Variants in GNAQ observed in about 807,000 individuals in gnomAD.
GNAQ encodes the protein G protein subunit alpha q.
A neutral mutation model predicts 43.9 loss-of-function variants in GNAQ; 8 were observed. That is an observed-to-expected ratio of 0.18 (90% CI 0.11 to 0.33). The LOEUF is 0.33. GNAQ is among the 10% of genes least tolerant of loss of function. The probability of loss-of-function intolerance (pLI) is 1.00; values close to 1 mark genes in which losing one functional copy is unlikely to be tolerated. For synonymous variants in GNAQ, 155 were observed against 170.7 expected (o/e 0.91, Z 0.71); for missense variants, 158 against 450.8 (o/e 0.35, Z 5.88).
At chr9:77,738,073 T>C (rs1195046214) in intron 5 of GNAQ, among the ~76,000 whole-genome samples, 3 of 152,222 alleles carry the variant, frequency 2.0e-5, no homozygotes, top group Non-Finnish European at 4.4e-5. Flanking sequence ...ATTTGTAACC[T>C]ATCTGTTTGG....
intron 3 of GNAQ, among the ~76,000 whole-genome samples, chr9:77,800,467 G>A (rs571417774): frequency 5.9e-5 from 9 of 151,868 alleles, no homozygotes; most frequent in East Asian, 3.9e-4. Context: ...GTAAACTATC[G>A]CAAGAACAAA....
chr9:77,859,120 G>A (rs905613479), intron 2 of GNAQ, among the ~76,000 whole-genome samples: 2 of 152,086 alleles, frequency 1.3e-5, no homozygotes, highest in Non-Finnish European at 2.9e-5. Flanking sequence ...CATCGCCTGT[G>A]GGAGTACCAA....
At chr9:77,823,098 C>T (rs1424800694) in intron 2 of GNAQ, among the ~76,000 whole-genome samples, 1 of 152,020 alleles carries the variant, frequency 6.6e-6, no homozygotes, top group Non-Finnish European at 1.5e-5. Context: ...TGCCACAACG[C>T]CCGGCTAATT....
chr9:77,895,428 G>GACTGC (rs1828483612), intron 2 of GNAQ, among the ~76,000 whole-genome samples: 1 of 152,134 alleles, frequency 6.6e-6, no homozygotes, highest in Non-Finnish European at 1.5e-5. Flanking sequence ...AGGGGAATCT[G>GACTGC]ACTGCAGTGT....
chr9:77,878,806 G>C (rs1347010753), intron 2 of GNAQ, among the ~76,000 whole-genome samples: 1 of 152,232 alleles, frequency 6.6e-6, no homozygotes, highest in East Asian at 1.9e-4. Flanking sequence ...AGCACTTTGG[G>C]AGGCCAAGGT....
At chr9:78,030,543 G>A in intron 1 of GNAQ, 1 of 471,024 alleles carries the variant, frequency 2.1e-6, no homozygotes, top group Non-Finnish European at 4.4e-6. Flanking sequence ...CCAGCTGCGA[G>A]TCTGCCCACC....
intron 2 of GNAQ, among the ~76,000 whole-genome samples, chr9:77,832,654 T>C (rs1454889213): frequency 6.6e-6 from 1 of 152,236 alleles, no homozygotes; most frequent in African/African-American, 2.4e-5. Context: ...ACTGAATGCA[T>C]ATTTCCCAGT....
intron 1 of GNAQ, among the ~76,000 whole-genome samples, chr9:78,023,940 G>GTGTGTATATACACACACACATATTGTA (rs1823944024): frequency 6.6e-6 from 1 of 151,978 alleles, no homozygotes; most frequent in South Asian, 2.1e-4. Context: ...TATTGTATAT[G>GTGTGTATATACACACACACATATTGTA]TGTGTATATA....
At chr9:77,904,224 A>G (rs1177650008) in intron 2 of GNAQ, among the ~76,000 whole-genome samples, 1 of 148,518 alleles carries the variant, frequency 6.7e-6, no homozygotes, top group African/African-American at 2.5e-5. Context: ...TTACACTTTT[A>G]GTTTAGCAAA....
chr9:77,870,983 G>C (rs1010360702), intron 2 of GNAQ, among the ~76,000 whole-genome samples: 2 of 152,142 alleles, frequency 1.3e-5, no homozygotes, highest in African/African-American at 4.8e-5. Flanking sequence ...TAATGAACAT[G>C]TGAACTTTTT....
chr9:77,938,041 A>C (rs940874306), intron 1 of GNAQ, among the ~76,000 whole-genome samples: 2 of 152,138 alleles, frequency 1.3e-5, no homozygotes, highest in Non-Finnish European at 2.9e-5. Context: ...CGATACCAAA[A>C]TCTGCAGATG....
At position 78,031,144 on chromosome 9, in the gene GNAQ, C is replaced by T; in HGVS notation, c.92G>A (p.Arg31Lys). Residue 31 changes from arginine (R) to lysine (K), a missense_variant, in exon 1 of 7, where the codon AGG becomes AAG. Physicochemically the swap from Arg to Lys is conservative, Grantham distance 26. Around this residue, in one of 9 missense-constraint regions of GNAQ, gnomAD observed 10 missense variants for 28.8 expected, o/e 0.35. Transcript: ENST00000286548. ...INDEIERQLR[R>K]DKRDARRELK... ...CTCCCGGCGGGCGTCCCGCTTGTCCCTGCGGAGCTGCCGCTCGATCTCGTC... is the reference window on the plus strand; with the variant it reads ...CTCCCGGCGGGCGTCCCGCTTGTCCTTGCGGAGCTGCCGCTCGATCTCGTC... The T allele has an allele frequency of 6.5e-7, 1 of 1,544,250 alleles. No individual in the cohort carries two copies. The highest frequency in any genetic ancestry group is 2.7e-5 in the East Asian group (1 of 37,592).
intron 3 of GNAQ, among the ~76,000 whole-genome samples, chr9:77,812,871 T>G (rs1304658205): frequency 1.3e-5 from 2 of 151,800 alleles, no homozygotes; most frequent in Non-Finnish European, 2.9e-5. Flanking sequence ...TGTCTACATA[T>G]ATATACATAT....
At chr9:77,904,130 A>T (rs1404435524) in intron 2 of GNAQ, among the ~76,000 whole-genome samples, 3 of 152,098 alleles carry the variant, frequency 2.0e-5, no homozygotes, top group Non-Finnish European at 1.5e-5. Context: ...AACACTTGCT[A>T]GAGCAAGTGT....
rs1023671784 is a variant in GNAQ, at chr9:77,917,052, T to C, written c.321+5109A>G. 6.6e-5 allele frequency among the ~76,000 whole-genome samples: 10 copies of C among 152,284 alleles called. No homozygotes were observed. In the East Asian group the frequency reaches 1.7e-3, roughly 26 times the overall value. The stretch of plus-strand genomic sequence containing the variant: ...AAGCTTCTACAACATGTCTGGCATG[T>C]TACGGAGGAGATAAAGAATTATAAA... On this transcript the variant is annotated intron_variant, in intron 2 of 6. Coordinates refer to ENST00000286548, the MANE Select transcript of GNAQ (RefSeq NM_002072.5).
chr9:77,734,756 C>A (rs1346828112), intron 5 of GNAQ, among the ~76,000 whole-genome samples: 2 of 152,104 alleles, frequency 1.3e-5, no homozygotes, highest in African/African-American at 4.8e-5. Context: ...TCTGTGTCCC[C>A]TAAGCTTTCT....
intron 5 of GNAQ, among the ~76,000 whole-genome samples, chr9:77,762,308 G>A (rs1170760445): frequency 1.4e-5 from 2 of 145,660 alleles, no homozygotes; most frequent in African/African-American, 5.1e-5. Flanking sequence ...GGGGGGGTCA[G>A]CCCCCCGCCC....
At chr9:78,026,387 C>T (rs189188964) in intron 1 of GNAQ, among the ~76,000 whole-genome samples, 1 of 152,226 alleles carries the variant, frequency 6.6e-6, no homozygotes, top group African/African-American at 2.4e-5. Flanking sequence ...CTTTGTTCTT[C>T]TGATATAAAC....
chr9:77,776,137 A>G (rs1000809931), intron 5 of GNAQ, among the ~76,000 whole-genome samples: 2 of 152,246 alleles, frequency 1.3e-5, no homozygotes, highest in Non-Finnish European at 2.9e-5. Context: ...AGGTGACAAT[A>G]GCTTGTTTTG....
Sources: allele counts gnomAD v4.1 joint callset (sites outside exome capture counted in the v4.1 genomes callset), GRCh38; gene constraint gnomAD v4.1.1; regional missense constraint gnomAD v4.1.1; transcripts MANE v1.5; gene names NCBI Gene and HGNC (gene_info 2026-07-23, HGNC 2026-07-21).